Variants in PSMA6 observed in about 807,000 individuals in gnomAD.
The protein encoded by PSMA6 is proteasome subunit alpha type-6.
For synonymous variants in PSMA6, 88 were observed against 97.7 expected, an observed-to-expected ratio of 0.90 and a Z score of 0.59; for missense variants, 170 against 294.8, an observed-to-expected ratio of 0.58 and a Z score of 3.10.
At chr14:35,283,167 A>C (rs2051385161) in intron 1 of PSMA6, among the ~76,000 whole-genome samples, 1 of 151,956 alleles carries the variant, frequency 6.6e-6, no homozygotes, top group East Asian at 2.0e-4. Context: ...TTGGCATAGA[A>C]TCAATGAAAA....
At chr14:35,305,314 T>C (rs887429047) in intron 1 of PSMA6, among the ~76,000 whole-genome samples, 1 of 152,042 alleles carries the variant, frequency 6.6e-6, no homozygotes, top group Non-Finnish European at 1.5e-5. Flanking sequence ...CTAACATTTT[T>C]TTGTAGAGAC....
chr14:35,288,596 G>A (rs752575251), upstream of PSMA6, among the ~76,000 whole-genome samples: 4 of 152,206 alleles, frequency 2.6e-5, no homozygotes, highest in Non-Finnish European at 5.9e-5. Context: ...ATTTATGTTT[G>A]TGTTGAAAAT....
intron 5 of PSMA6, 38 bp downstream of exon 5, chr14:35,313,097 TATAGAACAGTG>T: frequency 6.7e-7 from 1 of 1,485,666 alleles, no homozygotes; most frequent in Non-Finnish European, 9.0e-7. Flanking sequence ...TTTTATGCTA[TATAGAACAGTG>T]AGGATCTTTG....
intron 4 of PSMA6, 60 bp downstream of exon 4, chr14:35,310,955 T>G: frequency 6.7e-7 from 1 of 1,490,444 alleles, no homozygotes; most frequent in Non-Finnish European, 9.2e-7. Context: ...ACAGAACATG[T>G]ATACAGAATT....
intron 6 of PSMA6, chr14:35,317,003 C>T: frequency 2.7e-6 from 1 of 374,504 alleles, no homozygotes; most frequent in Non-Finnish European, 4.8e-6. Context: ...AGATACAATT[C>T]TAAATCTGAT....
At chr14:35,284,290 A>G (rs562088990) in intron 1 of PSMA6, among the ~76,000 whole-genome samples, 12 of 151,868 alleles carry the variant, frequency 7.9e-5, no homozygotes, top group Non-Finnish European at 1.2e-4. Flanking sequence ...TGCCTCCCAT[A>G]TTGCTCCTAA....
At position 35,314,361 on chromosome 14, in the gene PSMA6, A is replaced by T; in HGVS notation, c.589A>T (p.Thr197Ser). 1 of 1,599,578 alleles carries T rather than the reference A, an allele frequency of 6.3e-7. No homozygotes were observed. The highest frequency in any genetic ancestry group is 8.5e-7 in the Non-Finnish European group (1 of 1,172,366). The change falls in exon 6 of 7, where the codon ACT becomes TCT. Residue 197 changes from threonine (T) to serine (S), a missense_variant and splice_region_variant. Physicochemically the swap from Thr to Ser is moderately conservative, Grantham distance 58. Transcript: ENST00000261479. ...FDWTFEQTVE[T>S]AITCLSTVLS... The stretch of plus-strand genomic sequence containing the variant: ...TTTAACATTAAATACTTTTTTTCAG[A>T]CTGCAATTACATGCCTGTCTACTGT...
chr14:35,316,374 A>G (rs2052045048), intron 6 of PSMA6: 1 of 138,702 alleles, frequency 7.2e-6, no homozygotes, highest in African/African-American at 2.9e-5. Context: ...CGACAGGGTC[A>G]GACTCCATCT....
upstream of PSMA6, among the ~76,000 whole-genome samples, chr14:35,291,685 T>C (rs1026181412): frequency 2.0e-5 from 3 of 151,896 alleles, no homozygotes; most frequent in Non-Finnish European, 4.4e-5. Flanking sequence ...TAGCCGGTCC[T>C]GGTGGCACAC....
At chr14:35,314,947 A>ATGTGTGTGTGTGTGTGTGTGTGTGTGTG (rs59477296) in intron 6 of PSMA6, 1 of 141,122 alleles carries the variant, frequency 7.1e-6, no homozygotes, top group African/African-American at 2.7e-5. Context: ...CAGTTGCTGG[A>ATGTGTGTGTGTGTGTGTGTGTGTGTGTG]TGTGTGTGTG....
intron 1 of PSMA6, among the ~76,000 whole-genome samples, chr14:35,285,600 G>C (rs201644961): frequency 6.6e-6 from 1 of 152,336 alleles, no homozygotes; most frequent in East Asian, 1.9e-4. Context: ...CCTCAAGGAA[G>C]AGGAAGTGTC....
chr14:35,317,441 C>G lies in PSMA6; in HGVS notation c.*135C>G. On this transcript the variant is annotated 3_prime_UTR_variant, in exon 7 of 7. Transcript: ENST00000261479. ...TCCTACCACCGAAGTGGTTAGGACT[C>G]TATATAAATAAAAACAAGGCTTTTG... The G allele has an allele frequency of 1.5e-6, 1 of 680,182 alleles. No individual in the cohort carries two copies. The highest frequency in any genetic ancestry group is 2.5e-6 in the Non-Finnish European group (1 of 398,252). 42.1% of individuals were successfully genotyped at this position (680,182 alleles called of 1,614,324 possible). A position where few individuals can be genotyped will look rare whatever the true frequency, so the allele number is the denominator to read the frequency against.
chr14:35,292,934 C>T (rs1171350225), intron 1 of PSMA6: 5 of 468,914 alleles, frequency 1.1e-5, no homozygotes, highest in Non-Finnish European at 2.1e-5. Context: ...GCCTCCTCTC[C>T]GTTTTCCTTT....
At chr14:35,307,485 G>T (rs987088087) in intron 1 of PSMA6, among the ~76,000 whole-genome samples, 1 of 152,018 alleles carries the variant, frequency 6.6e-6, no homozygotes, top group Non-Finnish European at 1.5e-5. Flanking sequence ...TGTAATCCCT[G>T]CACTTTGGGA....
intron 5 of PSMA6, 32 bp downstream of exon 5, chr14:35,313,091 A>G: frequency 1.3e-6 from 2 of 1,533,368 alleles, no homozygotes; most frequent in Non-Finnish European, 1.8e-6. Flanking sequence ...GACTTTTTTT[A>G]TGCTATATAG....
At chr14:35,304,761 G>A (rs2051791505) in intron 1 of PSMA6, among the ~76,000 whole-genome samples, 2 of 151,960 alleles carry the variant, frequency 1.3e-5, no homozygotes, top group Admixed American at 6.6e-5. Context: ...TAGTGTAATG[G>A]GATGGTAAAA....
intron 1 of PSMA6, among the ~76,000 whole-genome samples, chr14:35,307,307 A>G (rs1379954148): frequency 6.6e-6 from 1 of 152,264 alleles, no homozygotes; most frequent in Non-Finnish European, 1.5e-5. Flanking sequence ...TAACAAAAGT[A>G]TTAAGTCTAG....
At chr14:35,287,862 A>G (rs2051437863), upstream of PSMA6, among the ~76,000 whole-genome samples, 1 of 152,196 alleles carries the variant, frequency 6.6e-6, no homozygotes, top group South Asian at 2.1e-4. Context: ...CACCTGAGTG[A>G]GTAGTTTAGC....
intron 1 of PSMA6, among the ~76,000 whole-genome samples, chr14:35,302,153 T>A (rs987059017): frequency 2.0e-5 from 3 of 152,192 alleles, no homozygotes; most frequent in Admixed American, 1.3e-4. Flanking sequence ...ATTTTGGGGA[T>A]GCATTTACCA....
Sources: allele counts gnomAD v4.1 joint callset (sites outside exome capture counted in the v4.1 genomes callset), GRCh38; gene constraint gnomAD v4.1.1; transcripts MANE v1.5; gene names NCBI Gene and HGNC (gene_info 2026-07-23, HGNC 2026-07-21).